The following CDH18 variants were observed in gnomAD, a reference collection of about 807,000 sequenced individuals.
The protein encoded by CDH18 is cadherin 18.
In CDH18, 31 loss-of-function variants were observed where a neutral mutation model predicts 67.9. The ratio of observed to expected loss-of-function variants is 0.46; its 90% CI spans 0.34 to 0.62. The LOEUF is 0.62. CDH18 is among the 20% of genes least tolerant of loss of function. The probability of loss-of-function intolerance (pLI) is 0.01; values close to 1 mark genes in which losing one functional copy is unlikely to be tolerated. For synonymous variants in CDH18, 362 were observed against 347.2 expected, an observed-to-expected ratio of 1.04 and a Z score of -0.48; for missense variants, 890 against 975.5, an observed-to-expected ratio of 0.91 and a Z score of 1.17.
chr5:19,699,873 C>T lies in CDH18; in HGVS notation c.643+21474G>A, dbSNP rs141964453. Reference sequence around the variant, plus strand: ...ACTGGGGGTGGTTGATGAGATATTACTTATTAGGTACAGTGTACGCTATTA... The same window carrying T: ...ACTGGGGGTGGTTGATGAGATATTATTTATTAGGTACAGTGTACGCTATTA... On this transcript the variant is annotated intron_variant, in intron 5 of 12. Transcript: ENST00000382275. Among the ~76,000 whole-genome samples, 196 of 152,162 alleles carry T rather than the reference C, an allele frequency of 1.3e-3. 1 individual carries two copies. Among genetic ancestry groups the T allele is most frequent in the African/African-American group, 4.6e-3 (189 of 41,530 alleles).
chr5:19,498,945 T>A (rs1299753813), intron 11 of CDH18, among the ~76,000 whole-genome samples: 1 of 152,226 alleles, frequency 6.6e-6, no homozygotes, highest in East Asian at 1.9e-4. Flanking sequence ...TCTTATATGC[T>A]GGTTGAGCAG....
At chr5:20,096,909 G>A (rs1420463177) in intron 2 of CDH18, among the ~76,000 whole-genome samples, 1 of 152,044 alleles carries the variant, frequency 6.6e-6, no homozygotes, top group Non-Finnish European at 1.5e-5. Context: ...TGCCCAAAGA[G>A]TCACTTTACA....
In CDH18 at chr5:19,960,717, ACGTGTATATACGTATATACG is replaced by A. The variant is rs1345354876; in HGVS notation, c.-257+20323_-257+20342del. On this transcript the variant is annotated intron_variant, in intron 2 of 12. Coordinates refer to ENST00000382275, the MANE Select transcript of CDH18 (RefSeq NM_004934.5). The stretch of plus-strand genomic sequence containing the variant: ...CGTGTATATATGTATATATGTATAC[ACGTGTATATACGTATATACG>A]TATACACGTGTATATATATGTATAT... Among the ~76,000 whole-genome samples, 898 of 130,556 alleles carry A rather than the reference ACGTGTATATACGTATATACG, an allele frequency of 6.9e-3. 19 individuals carry two copies. The highest frequency in any genetic ancestry group is 0.034 in the African/African-American group (851 of 25,310). The allele number at this position is 130,556 out of a possible 152,430, so 85.6% of individuals were successfully genotyped here.
intron 2 of CDH18, among the ~76,000 whole-genome samples, chr5:19,966,356 A>C: frequency 6.6e-6 from 1 of 152,154 alleles, no homozygotes; most frequent in East Asian, 1.9e-4. Flanking sequence ...TTAATCACTA[A>C]AAGTATGAAG....
chr5:20,413,734 T>G (rs978071459), intron 1 of CDH18, among the ~76,000 whole-genome samples: 1 of 152,320 alleles, frequency 6.6e-6, no homozygotes, highest in Non-Finnish European at 1.5e-5. Flanking sequence ...ATGGGTAGAG[T>G]GCAAAAATTT....
intron 2 of CDH18, among the ~76,000 whole-genome samples, chr5:20,183,805 A>G (rs1376712678): frequency 1.3e-5 from 2 of 152,128 alleles, no homozygotes. Context: ...TCAGCTCAGT[A>G]ACTATGCACC....
chr5:19,715,362 T>A (rs1765216435), intron 5 of CDH18, among the ~76,000 whole-genome samples: 1 of 152,162 alleles, frequency 6.6e-6, no homozygotes, highest in African/African-American at 2.4e-5. Context: ...GCTGATTGAA[T>A]TCTGTTACAA....
chr5:20,165,075 C>A (rs1736184990), intron 2 of CDH18, among the ~76,000 whole-genome samples: 1 of 151,990 alleles, frequency 6.6e-6, no homozygotes, highest in Non-Finnish European at 1.5e-5. Context: ...AATTTAAATC[C>A]ATTTTAGATA....
intron 11 of CDH18, among the ~76,000 whole-genome samples, chr5:19,499,185 C>T (rs1054049230): frequency 2.0e-5 from 3 of 152,124 alleles, no homozygotes; most frequent in African/African-American, 7.2e-5. Flanking sequence ...AAAACATTAC[C>T]ACTTAGATTT....
intron 2 of CDH18, among the ~76,000 whole-genome samples, chr5:20,005,927 A>AT (rs1736867531): frequency 6.6e-6 from 1 of 151,990 alleles, no homozygotes; most frequent in African/African-American, 2.4e-5. Flanking sequence ...ACATTTGGAG[A>AT]TTGTCCTTTG....
intron 1 of CDH18, among the ~76,000 whole-genome samples, chr5:20,532,159 A>C (rs538371227): frequency 5.3e-5 from 8 of 152,258 alleles, no homozygotes; most frequent in Non-Finnish European, 1.0e-4. Flanking sequence ...AAATGAACTT[A>C]AAGAAGACAA....
intron 1 of CDH18, among the ~76,000 whole-genome samples, chr5:20,345,265 T>C (rs73056785): frequency 0.13 from 17,836 of 139,812 alleles, 1,867 homozygotes; most frequent in African/African-American, 0.28. Flanking sequence ...TATTGGGGTA[T>C]ATTGGGGTAC....
At chr5:20,193,108 A>G (rs953391365) in intron 2 of CDH18, among the ~76,000 whole-genome samples, 2 of 152,108 alleles carry the variant, frequency 1.3e-5, no homozygotes, top group Admixed American at 1.3e-4. Flanking sequence ...TTCTCTTTGT[A>G]GCAATTGTGA....
chr5:20,242,634 G>GTA lies in CDH18; in HGVS notation c.-518+12808_-518+12809dup, dbSNP rs143436887. Among the ~76,000 whole-genome samples, 139 of 85,800 alleles carry GTA rather than the reference G, an allele frequency of 1.6e-3. 3 individuals carry two copies. Among genetic ancestry groups the GTA allele is most frequent in the East Asian group, 6.7e-3 (22 of 3,294 alleles). 56.3% of individuals were successfully genotyped at this position (85,800 alleles called of 152,430 possible). A position where few individuals can be genotyped will look rare whatever the true frequency, so the allele number is the denominator to read the frequency against. Reference sequence around the variant, plus strand: ...AAAATATATATATATATATATATATGTATATATATATATATATGTAAATGG... The same window carrying GTA: ...AAAATATATATATATATATATATATGTATATATATATATATATATGTAAATGG... On this transcript the variant is annotated intron_variant, in intron 2 of 14. Transcript: ENST00000507958.
chr5:20,390,231 T>C (rs368865289), intron 1 of CDH18, among the ~76,000 whole-genome samples: 1 of 151,542 alleles, frequency 6.6e-6, no homozygotes, highest in Non-Finnish European at 1.5e-5. Flanking sequence ...ATTTTTGCAA[T>C]CTACTCATCT....
intron 3 of CDH18, among the ~76,000 whole-genome samples, chr5:19,828,743 A>G (rs1216081986): frequency 6.6e-6 from 1 of 152,194 alleles, no homozygotes; most frequent in African/African-American, 2.4e-5. Flanking sequence ...TTACTTCAAA[A>G]TAACAGGAGC....
chr5:19,823,268 T>C (rs1473223063), intron 3 of CDH18, among the ~76,000 whole-genome samples: 2 of 152,090 alleles, frequency 1.3e-5, no homozygotes, highest in African/African-American at 4.8e-5. Flanking sequence ...ACAAAAATGA[T>C]GGGATTAAGA....
At chr5:20,428,350 G>A (rs1339263511) in intron 1 of CDH18, among the ~76,000 whole-genome samples, 2 of 144,578 alleles carry the variant, frequency 1.4e-5, no homozygotes, top group Non-Finnish European at 2.9e-5. Flanking sequence ...TATCATTGAT[G>A]GGCATTTGGG....
intron 2 of CDH18, among the ~76,000 whole-genome samples, chr5:20,198,607 T>C (rs936888738): frequency 6.6e-6 from 1 of 152,120 alleles, no homozygotes; most frequent in African/African-American, 2.4e-5. Context: ...ACCCATTTTT[T>C]TAAGAAAATG....
Sources: allele counts gnomAD v4.1 joint callset (sites outside exome capture counted in the v4.1 genomes callset), GRCh38; gene constraint gnomAD v4.1.1; transcripts MANE v1.5; gene names NCBI Gene and HGNC (gene_info 2026-07-23, HGNC 2026-07-21).